Variants in FLVCR2 observed in about 807,000 individuals in gnomAD.
FLVCR2 encodes FLVCR choline and putative heme transporter 2.
FLVCR2 carries 38 observed loss-of-function variants against 48.9 expected under a neutral mutation model. That is an observed-to-expected ratio of 0.78 (90% CI 0.60 to 1.02). FLVCR2 has a LOEUF of 1.02. FLVCR2 is among the 50% of genes least tolerant of loss of function. The pLI is 0.00. For synonymous variants in FLVCR2, 255 were observed against 257.0 expected (o/e 0.99, Z 0.07); for missense variants, 664 against 663.3 (o/e 1.00, Z -0.01).
At chr14:75,624,523 A>G in intron 2 of FLVCR2, 89 bp from the exon 3 acceptor site, 1 of 1,468,712 alleles carries the variant, frequency 6.8e-7, no homozygotes, top group Non-Finnish European at 9.5e-7. Flanking sequence ...CTCCTCTCAG[A>G]TGATGGAGCA....
chr14:75,593,773 T>A (rs577289582), intron 1 of FLVCR2, among the ~76,000 whole-genome samples: 14 of 152,380 alleles, frequency 9.2e-5, no homozygotes, highest in Non-Finnish European at 1.3e-4. Context: ...TCTCTCATTG[T>A]CTTGATGAAT....
At chr14:75,589,595 G>T (rs879909185) in intron 1 of FLVCR2, among the ~76,000 whole-genome samples, 6 of 152,136 alleles carry the variant, frequency 3.9e-5, no homozygotes, top group Non-Finnish European at 5.9e-5. Flanking sequence ...CTTGGTGATA[G>T]CCACACTTCC....
intron 1 of FLVCR2, among the ~76,000 whole-genome samples, chr14:75,586,635 A>G (rs992328146): frequency 1.3e-5 from 2 of 152,170 alleles, no homozygotes; most frequent in Admixed American, 1.3e-4. Flanking sequence ...CCTTCTGTTC[A>G]TCTTTACTAC....
intron 3 of FLVCR2, chr14:75,632,856 G>A (rs1478902151): frequency 5.7e-6 from 4 of 702,184 alleles, no homozygotes; most frequent in Non-Finnish European, 1.0e-5. Flanking sequence ...ACTTTCTAGA[G>A]TTGTCATAAA....
At chr14:75,632,501 G>T in intron 3 of FLVCR2, 1 of 630,354 alleles carries the variant, frequency 1.6e-6, no homozygotes, top group Admixed American at 2.6e-5. Context: ...AGTAATAGTG[G>T]TGCCTGTGAG....
chr14:75,592,221 C>A (rs1888902555), intron 1 of FLVCR2, among the ~76,000 whole-genome samples: 1 of 152,054 alleles, frequency 6.6e-6, no homozygotes, highest in South Asian at 2.1e-4. Flanking sequence ...AACAATAGTA[C>A]CATGTGGACA....
Position 75,643,488 on chromosome 14 carries a change from G to A in FLVCR2, c.1509+1590G>A, listed in dbSNP as rs140258654. On this transcript the variant is annotated intron_variant, in intron 9 of 9. Coordinates refer to ENST00000238667, the MANE Select transcript of FLVCR2 (RefSeq NM_017791.3). ...GTATTTTTCATTTTGAAAAATCTTC[G>A]CCAATTTTCTAAGGCAAGAGATATC... 5.7e-3 allele frequency among the ~76,000 whole-genome samples: 862 copies of A among 152,234 alleles called. 6 individuals are homozygous for A. Among genetic ancestry groups the A allele is most frequent in the Admixed American group, 1.0e-2 (152 of 15,272 alleles).
intron 1 of FLVCR2, 170 bp from the exon 2 acceptor site, chr14:75,621,909 A>C (rs1387831499): frequency 1.3e-6 from 1 of 777,808 alleles, no homozygotes; most frequent in Non-Finnish European, 2.3e-6. Flanking sequence ...CCAAAATGTC[A>C]GTCAGAAGAA....
intron 1 of FLVCR2, among the ~76,000 whole-genome samples, chr14:75,607,504 G>A (rs977673631): frequency 3.3e-5 from 5 of 152,180 alleles, no homozygotes; most frequent in Non-Finnish European, 2.9e-5. Flanking sequence ...ACTCAGCAAG[G>A]TTCCATGGGA....
At chr14:75,638,826 A>G (rs1890231801) in intron 5 of FLVCR2, among the ~76,000 whole-genome samples, 1 of 152,244 alleles carries the variant, frequency 6.6e-6, no homozygotes, top group Admixed American at 6.5e-5. Context: ...CCTTTGTAGC[A>G]TTGATCATGA....
At chr14:75,635,373 G>A (rs182762261) in intron 5 of FLVCR2, among the ~76,000 whole-genome samples, 9 of 152,280 alleles carry the variant, frequency 5.9e-5, no homozygotes, top group Admixed American at 3.9e-4. Context: ...CCAAAGAGTG[G>A]AGATGAGGAG....
intron 1 of FLVCR2, among the ~76,000 whole-genome samples, chr14:75,603,509 A>G (rs1446978321): frequency 6.6e-6 from 1 of 152,172 alleles, no homozygotes; most frequent in Non-Finnish European, 1.5e-5. Context: ...ATCGGCAATA[A>G]AATCCTCTGC....
intron 6 of FLVCR2, 29 bp from the exon 7 acceptor site, chr14:75,640,926 T>G: frequency 6.7e-7 from 1 of 1,502,542 alleles, no homozygotes; most frequent in Non-Finnish European, 9.3e-7. Context: ...AAGTTCTTCA[T>G]CCCCTTGTTT....
chr14:75,611,396 C>T (rs1889443106), intron 1 of FLVCR2, among the ~76,000 whole-genome samples: 1 of 152,144 alleles, frequency 6.6e-6, no homozygotes, highest in Admixed American at 6.6e-5. Flanking sequence ...CCAGGAGAAG[C>T]TGTTTTGACC....
Position 75,579,502 on chromosome 14 carries a change from T to G in FLVCR2, c.530T>G (p.Phe177Cys). 6.2e-7 allele frequency: 1 copy of G among 1,612,964 alleles called. No homozygotes were observed. The highest frequency in any genetic ancestry group is 8.5e-7 in the Non-Finnish European group (1 of 1,179,094). ...CTGGGCAGCCTGAAGCCGCATCTCT[T>G]TCCGGTCACCGTGGTGGGCCAGCTC... is the stretch of plus-strand genomic sequence containing the variant. ...VKLGSLKPHL[F>C]PVTVVGQLIC... The change falls in exon 1 of 10, where the codon TTT becomes TGT. Residue 177 changes from phenylalanine (F) to cysteine (C), a missense_variant. Coordinates refer to ENST00000238667, the MANE Select transcript of FLVCR2 (RefSeq NM_017791.3).
intron 5 of FLVCR2, among the ~76,000 whole-genome samples, chr14:75,635,536 C>T (rs544020409): frequency 2.4e-4 from 36 of 152,134 alleles, no homozygotes; most frequent in Non-Finnish European, 4.4e-4. Flanking sequence ...GACCTGAATG[C>T]CCAGTGCATT....
At chr14:75,584,687 T>G (rs1309271229) in intron 1 of FLVCR2, among the ~76,000 whole-genome samples, 1 of 152,218 alleles carries the variant, frequency 6.6e-6, no homozygotes, top group Non-Finnish European at 1.5e-5. Flanking sequence ...GAGGTCTGGC[T>G]CGTGAAGCCG....
At chr14:75,584,873 C>G (rs1888704134) in intron 1 of FLVCR2, among the ~76,000 whole-genome samples, 3 of 152,164 alleles carry the variant, frequency 2.0e-5, no homozygotes, top group Admixed American at 2.0e-4. Flanking sequence ...TAAATGCTGG[C>G]TGATTTGGGA....
intron 3 of FLVCR2, among the ~76,000 whole-genome samples, chr14:75,627,186 A>G (rs1051812402): frequency 2.6e-5 from 4 of 151,988 alleles, no homozygotes. Context: ...CTGACAAAGT[A>G]GTTTTAATCC....
Sources: gnomAD v4.1 joint callset for allele counts (sites outside exome capture counted in the v4.1 genomes callset) on GRCh38, gnomAD v4.1.1 for gene constraint, MANE v1.5 for transcripts, NCBI Gene and HGNC (gene_info 2026-07-23, HGNC 2026-07-21) for gene names.